ZBTB16: variants seen among roughly 807,000 people sequenced by gnomAD.
ZBTB16 encodes zinc finger and BTB domain containing 16, also known as zinc finger and BTB domain-containing protein 16.
ZBTB16 carries 8 observed loss-of-function variants against 56.8 expected under a neutral mutation model. That is an observed-to-expected ratio of 0.14 (90% CI 0.08 to 0.25). The LOEUF is 0.25. Among genes scored for constraint, ZBTB16 ranks in the 10% least tolerant of loss-of-function variants. The pLI, the probability that ZBTB16 is intolerant of heterozygous loss-of-function variation, is 1.00. For synonymous variants in ZBTB16, 363 were observed against 368.5 expected, an observed-to-expected ratio of 0.98 and a Z score of 0.17; for missense variants, 625 against 903.0, an observed-to-expected ratio of 0.69 and a Z score of 3.95.
chr11:114,241,300 G>A (rs921455864), intron 4 of ZBTB16, among the ~76,000 whole-genome samples: 2 of 151,994 alleles, frequency 1.3e-5, no homozygotes, highest in Admixed American at 1.3e-4. Context: ...GGGTGTGTGA[G>A]TGTGAACCCC....
intron 2 of ZBTB16, among the ~76,000 whole-genome samples, chr11:114,095,254 T>TTTC (rs1940348548): frequency 7.8e-6 from 1 of 128,520 alleles, no homozygotes; most frequent in African/African-American, 3.2e-5. Flanking sequence ...TCTTTTTTTT[T>TTTC]TTTTTTTTTT....
chr11:114,200,786 C>T (rs2135102539), intron 4 of ZBTB16, among the ~76,000 whole-genome samples: 1 of 152,338 alleles, frequency 6.6e-6, no homozygotes, highest in South Asian at 2.1e-4. Flanking sequence ...CCCTCTCTCT[C>T]CCACTGTCCA....
At chr11:114,152,142 C>T (rs1174370653) in intron 2 of ZBTB16, among the ~76,000 whole-genome samples, 5 of 152,142 alleles carry the variant, frequency 3.3e-5, no homozygotes, top group African/African-American at 1.2e-4. Flanking sequence ...CAAAGGAATG[C>T]CATAGATGCC....
intron 4 of ZBTB16, among the ~76,000 whole-genome samples, chr11:114,214,995 T>C (rs1180585131): frequency 2.0e-5 from 3 of 152,014 alleles, no homozygotes; most frequent in Admixed American, 6.6e-5. Context: ...CTTTTTTTTT[T>C]TTTTCCTGCT....
intron 4 of ZBTB16, among the ~76,000 whole-genome samples, chr11:114,235,441 A>G (rs1944544271): frequency 6.6e-6 from 1 of 152,128 alleles, no homozygotes; most frequent in African/African-American, 2.4e-5. Flanking sequence ...CTTCCTTCCC[A>G]TCTATTAAAG....
intron 2 of ZBTB16, among the ~76,000 whole-genome samples, chr11:114,118,456 G>A (rs1031543674): frequency 6.6e-6 from 1 of 152,196 alleles, no homozygotes; most frequent in Non-Finnish European, 1.5e-5. Context: ...GATTACAGGT[G>A]TGAGCCACCG....
At chr11:114,163,816 C>T (rs990092070) in intron 3 of ZBTB16, among the ~76,000 whole-genome samples, 3 of 152,220 alleles carry the variant, frequency 2.0e-5, no homozygotes, top group Non-Finnish European at 4.4e-5. Context: ...GCAAATCCCC[C>T]ATCCCAATTT....
At chr11:114,103,409 C>T (rs756980052) in intron 2 of ZBTB16, among the ~76,000 whole-genome samples, 19 of 152,128 alleles carry the variant, frequency 1.2e-4, no homozygotes, top group African/African-American at 3.9e-4. Flanking sequence ...TTTTTCTTTT[C>T]CTTTTTTTGT....
At chr11:114,200,529 A>C (rs1040955272) in intron 4 of ZBTB16, among the ~76,000 whole-genome samples, 1 of 152,288 alleles carries the variant, frequency 6.6e-6, no homozygotes, top group East Asian at 1.9e-4. Flanking sequence ...TGCATCACTG[A>C]TGAGGAATCA....
chr11:114,088,710 A>G (rs1186061654), intron 2 of ZBTB16, among the ~76,000 whole-genome samples: 3 of 152,260 alleles, frequency 2.0e-5, no homozygotes, highest in Admixed American at 1.3e-4. Context: ...CTACCCAGGC[A>G]GTACTGGTGG....
At chr11:114,176,548 G>T (rs1217259201) in intron 3 of ZBTB16, among the ~76,000 whole-genome samples, 5 of 152,170 alleles carry the variant, frequency 3.3e-5, no homozygotes, top group African/African-American at 1.2e-4. Flanking sequence ...GAAGGATTCT[G>T]CTGGCTGAAC....
chr11:114,156,430 T>C lies in ZBTB16; in HGVS notation c.1362T>C (p.His454=). Residue 454 remains histidine (H), a synonymous_variant, in exon 3 of 7, where the codon CAT becomes CAC. Coordinates refer to ENST00000335953, the MANE Select transcript of ZBTB16 (RefSeq NM_006006.6). ...SLRLRMHLLA[H]SAGAKAFVCD... ...GGCTGAGAATGCACTTACTGGCTCA[T>C]TCAGGTAGGCAAGTTCGCCTTAGTG... 6.2e-7 allele frequency: 1 copy of C among 1,614,228 alleles called. No homozygotes were observed. The highest frequency in any genetic ancestry group is 2.2e-5 in the East Asian group (1 of 44,890).
chr11:114,091,704 A>G (rs1235271854), intron 2 of ZBTB16, among the ~76,000 whole-genome samples: 2 of 148,636 alleles, frequency 1.3e-5, no homozygotes, highest in African/African-American at 5.0e-5. Flanking sequence ...TATTCCTCAG[A>G]CTTGCTGGGA....
At chr11:114,158,596 T>C (rs562806478) in intron 3 of ZBTB16, among the ~76,000 whole-genome samples, 1 of 152,332 alleles carries the variant, frequency 6.6e-6, no homozygotes. Context: ...TTATCTCTCT[T>C]ACTTGGGAGG....
chr11:114,190,170 T>G (rs1346070443), intron 4 of ZBTB16, among the ~76,000 whole-genome samples: 1 of 152,146 alleles, frequency 6.6e-6, no homozygotes, highest in Admixed American at 6.6e-5. Context: ...GCGAGGAAAT[T>G]GAGAGCGACT....
chr11:114,131,278 TCTC>T (rs1941652314), intron 2 of ZBTB16, among the ~76,000 whole-genome samples: 1 of 152,174 alleles, frequency 6.6e-6, no homozygotes, highest in Non-Finnish European at 1.5e-5. Context: ...ACAGTCTCCT[TCTC>T]CTGCTCCCCC....
At position 114,143,674 on chromosome 11, in the gene ZBTB16, T is replaced by C. The variant is rs562060117; in HGVS notation, c.1269-12663T>C. On this transcript the variant is annotated intron_variant, in intron 2 of 6. Coordinates refer to ENST00000335953, the MANE Select transcript of ZBTB16 (RefSeq NM_006006.6). This position sits in a 1 kb window ranked among gnomAD's most constrained non-coding sequence, Gnocchi z 6.4. ...AGAGTGGGGCCAACGTCCTTGTGCA[T>C]TGAGGCTCCAGCCTCTCTTCTCCTC... Among the ~76,000 whole-genome samples the C allele has an allele frequency of 3.9e-5, 6 of 152,310 alleles. No individual in the cohort carries two copies. Among genetic ancestry groups the C allele is most frequent in the South Asian group, 4.1e-4 (2 of 4,822 alleles).
Position 114,059,813 on chromosome 11 carries a change from C to T in ZBTB16, c.-160C>T. The T allele has an allele frequency of 2.5e-6, 1 of 398,314 alleles. No individual in the cohort carries two copies. Among genetic ancestry groups the T allele is most frequent in the East Asian group, 3.6e-5 (1 of 28,010 alleles). 24.7% of individuals were successfully genotyped at this position (398,314 alleles called of 1,614,324 possible). A position where few individuals can be genotyped will look rare whatever the true frequency, so the allele number is the denominator to read the frequency against. ...AGAGCAACAGTTCCCCAGCAACACCCCTCCCCGACACAGGCACACACCCCC... is the reference window on the plus strand; with the variant it reads ...AGAGCAACAGTTCCCCAGCAACACCTCTCCCCGACACAGGCACACACCCCC... On this transcript the variant is annotated 5_prime_UTR_variant, in exon 1 of 7. Transcript: ENST00000335953. The surrounding 1 kb of genome is among the most constrained non-coding windows in gnomAD (Gnocchi z 5.3).
chr11:114,148,517 G>A (rs1443378920), intron 2 of ZBTB16, among the ~76,000 whole-genome samples: 1 of 136,364 alleles, frequency 7.3e-6, no homozygotes, highest in African/African-American at 2.7e-5. Flanking sequence ...TTTCTTAGAT[G>A]GAGTCTCGTT....
Sources: allele counts gnomAD v4.1 joint callset (sites outside exome capture counted in the v4.1 genomes callset), GRCh38; gene constraint gnomAD v4.1.1; non-coding constraint Gnocchi (gnomAD v3.1); transcripts MANE v1.5; gene names NCBI Gene and HGNC (gene_info 2026-07-23, HGNC 2026-07-21).